The following SMR3B variants were observed in gnomAD, a reference collection of about 807,000 sequenced individuals.
SMR3B encodes the protein submaxillary gland androgen regulated protein 3B.
For synonymous variants in SMR3B, 42 were observed against 36.1 expected, an observed-to-expected ratio of 1.16 and a Z score of -0.59; for missense variants, 114 against 99.9, an observed-to-expected ratio of 1.14 and a Z score of -0.60.
chr4:70,386,565 A>T (rs946643825), intron 2 of SMR3B, among the ~76,000 whole-genome samples: 8 of 152,134 alleles, frequency 5.3e-5, no homozygotes, highest in Admixed American at 1.3e-4. Context: ...AATGTAGGAG[A>T]TTAGTGCCAA....
intron 2 of SMR3B, chr4:70,384,854 T>C (rs1404574064): frequency 3.3e-6 from 1 of 300,616 alleles, no homozygotes; most frequent in Non-Finnish European, 5.9e-6. Flanking sequence ...TAGGTAAAAC[T>C]CTATAAAAAT....
intron 2 of SMR3B, among the ~76,000 whole-genome samples, chr4:70,386,076 C>T (rs1732659860): frequency 6.6e-6 from 1 of 151,450 alleles, no homozygotes; most frequent in African/African-American, 2.4e-5. Context: ...GGTTCAAGGC[C>T]AGCTTGGCCA....
chr4:70,384,615 T>C (rs1318572617), intron 2 of SMR3B, 51 bp downstream of exon 2: 43 of 1,536,352 alleles, frequency 2.8e-5, no homozygotes, highest in Non-Finnish European at 3.6e-5. Context: ...TCATTAACCA[T>C]TACTTCAGAT....
At chr4:70,385,345 T>C (rs1732639071) in intron 2 of SMR3B, among the ~76,000 whole-genome samples, 1 of 151,744 alleles carries the variant, frequency 6.6e-6, no homozygotes, top group Admixed American at 6.6e-5. Context: ...GCAACATAAA[T>C]TTACATCATT....
At chr4:70,384,789 G>A in intron 2 of SMR3B, 1 of 719,370 alleles carries the variant, frequency 1.4e-6, no homozygotes. Flanking sequence ...GTATCAGACT[G>A]CATTAAACAG....
chr4:70,390,015 C>A lies in SMR3B; in HGVS notation c.*167C>A. Reference sequence around the variant, plus strand: ...ACTGCAGCAGGTGCCACCACCACCACAAAAGACACCACTACCCTTGTAACT... The same window carrying A: ...ACTGCAGCAGGTGCCACCACCACCAAAAAAGACACCACTACCCTTGTAACT... On this transcript the variant is annotated 3_prime_UTR_variant, in exon 3 of 3. Transcript: ENST00000304915. The A allele has an allele frequency of 7.7e-7, 1 of 1,298,364 alleles. No individual in the cohort carries two copies. The highest frequency in any genetic ancestry group is 1.1e-6 in the Non-Finnish European group (1 of 894,396). The allele number at this position is 1,298,364 out of a possible 1,614,324, so 80.4% of individuals were successfully genotyped here.
chr4:70,390,039 C>A lies in SMR3B; in HGVS notation c.*191C>A. 1 of 1,082,606 alleles carries A rather than the reference C, an allele frequency of 9.2e-7. No individual in the cohort carries two copies. Among genetic ancestry groups the A allele is most frequent in the Non-Finnish European group, 1.4e-6 (1 of 701,070 alleles). 67.1% of individuals were successfully genotyped at this position (1,082,606 alleles called of 1,614,324 possible). ...ACAAAAGACACCACTACCCTTGTAA[C>A]TACTGCTTCTACTACCCAAAATATG... is the stretch of plus-strand genomic sequence containing the variant. On this transcript the variant is annotated 3_prime_UTR_variant, in exon 3 of 3. Coordinates refer to ENST00000304915, the MANE Select transcript of SMR3B (RefSeq NM_006685.4).
intron 1 of SMR3B, 91 bp from the exon 2 acceptor site, chr4:70,384,406 G>A: frequency 6.3e-7 from 1 of 1,575,034 alleles, no homozygotes; most frequent in Non-Finnish European, 8.6e-7. Context: ...TAGGATATTT[G>A]TATTACATTA....
At position 70,390,129 on chromosome 4, in the gene SMR3B, A is replaced by T; in HGVS notation, c.*281A>T. 1 of 715,772 alleles carries T rather than the reference A, an allele frequency of 1.4e-6. No individual in the cohort carries two copies. Among genetic ancestry groups the T allele is most frequent in the East Asian group, 2.7e-5 (1 of 37,158 alleles). The allele number at this position is 715,772 out of a possible 1,614,324, so 44.3% of individuals were successfully genotyped here. A position where few individuals can be genotyped will look rare whatever the true frequency, so the allele number is the denominator to read the frequency against. ...GCTTCCATTTTTGGATGAGAATGAA[A>T]AATTCCAAAAGTGCTGAGCTTTGGG... is the stretch of plus-strand genomic sequence containing the variant. On this transcript the variant is annotated 3_prime_UTR_variant, in exon 3 of 3. Coordinates refer to ENST00000304915, the MANE Select transcript of SMR3B (RefSeq NM_006685.4).
At chr4:70,384,476 A>G (rs1330924955) in intron 1 of SMR3B, 21 bp from the exon 2 acceptor site, 32 of 1,589,940 alleles carry the variant, frequency 2.0e-5, no homozygotes, top group Non-Finnish European at 2.4e-5. Context: ...CATACTGATC[A>G]CCTATTGTGC....
chr4:70,389,926 A>C lies in SMR3B; in HGVS notation c.*78A>C. On this transcript the variant is annotated 3_prime_UTR_variant, in exon 3 of 3. Coordinates refer to ENST00000304915, the MANE Select transcript of SMR3B (RefSeq NM_006685.4). ...CAAGACCCTATCCACCTGGACCTCC[A>C]TTTTTCCCTGTAAATTCTCCAACTG... 1 of 1,604,142 alleles carries C rather than the reference A, an allele frequency of 6.2e-7. No individual in the cohort carries two copies. The highest frequency in any genetic ancestry group is 8.5e-7 in the Non-Finnish European group (1 of 1,171,524).
At chr4:70,384,720 T>A in intron 2 of SMR3B, 156 bp downstream of exon 2, 1 of 1,413,402 alleles carries the variant, frequency 7.1e-7, no homozygotes. Flanking sequence ...AAATTTAAAA[T>A]CTAATTTAAA....
At chr4:70,387,321 A>G (rs1318727819) in intron 2 of SMR3B, among the ~76,000 whole-genome samples, 2 of 152,208 alleles carry the variant, frequency 1.3e-5, no homozygotes, top group Non-Finnish European at 2.9e-5. Flanking sequence ...AATTTGGGTA[A>G]AAACAAATGA....
In SMR3B at chr4:70,383,154, T is replaced by G. The variant is rs1299640183; in HGVS notation, c.-73T>G. 1 of 152,158 alleles carries G rather than the reference T, an allele frequency of 6.6e-6. No homozygotes were observed. The highest frequency in any genetic ancestry group is 1.5e-5 in the Non-Finnish European group (1 of 68,006). 9.4% of individuals were successfully genotyped at this position (152,158 alleles called of 1,614,324 possible). ...TCACCTTTATTTGCCGTCTTTCAAC[T>G]GGCAAGAGTCATTTTGACCAGCAGA... is the stretch of plus-strand genomic sequence containing the variant. On this transcript the variant is annotated 5_prime_UTR_variant, in exon 1 of 3. Transcript: ENST00000304915.
intron 1 of SMR3B, among the ~76,000 whole-genome samples, chr4:70,383,886 T>C (rs1471992203): frequency 6.6e-6 from 1 of 152,146 alleles, no homozygotes; most frequent in Non-Finnish European, 1.5e-5. Flanking sequence ...CCTTGGTCTC[T>C]GATATATGGA....
rs1732736894 is a variant in SMR3B at position 70,390,053 on chromosome 4, AC to A, written c.*208del. 3.1e-6 allele frequency: 3 copies of A among 976,196 alleles called. No individual in the cohort carries two copies. Among genetic ancestry groups the A allele is most frequent in the South Asian group, 1.3e-5 (1 of 77,626 alleles). The allele number at this position is 976,196 out of a possible 1,614,324, so 60.5% of individuals were successfully genotyped here. ...TACCCTTGTAACTACTGCTTCTACT[AC>A]CCAAAATATGAATTCCAACACTGCT... On this transcript the variant is annotated 3_prime_UTR_variant, in exon 3 of 3. Transcript: ENST00000304915.
rs1428628350 is a variant in SMR3B, at chr4:70,389,858, C to T, written c.*10C>T. On this transcript the variant is annotated 3_prime_UTR_variant, in exon 3 of 3. Coordinates refer to ENST00000304915, the MANE Select transcript of SMR3B (RefSeq NM_006685.4). ...CCCTCCTCAACCCTAAGGTCCACCA[C>T]TCCATCCTGATGCCCCAGGTTATCC... 2.5e-6 allele frequency: 4 copies of T among 1,613,188 alleles called. No homozygotes were observed. Among genetic ancestry groups the T allele is most frequent in the Non-Finnish European group, 3.4e-6 (4 of 1,179,432 alleles).
At chr4:70,389,194 GC>G (rs1331809150) in intron 2 of SMR3B, among the ~76,000 whole-genome samples, 4 of 152,078 alleles carry the variant, frequency 2.6e-5, no homozygotes, top group African/African-American at 7.2e-5. Flanking sequence ...GGCTTAGTTG[GC>G]TTCTCTGCTC....
At chr4:70,385,551 C>T (rs1020055135) in intron 2 of SMR3B, among the ~76,000 whole-genome samples, 8 of 152,096 alleles carry the variant, frequency 5.3e-5, no homozygotes, top group Admixed American at 5.2e-4. Context: ...CTACAGGCGC[C>T]CGCCACCACG....
Sources: gnomAD v4.1 joint callset for allele counts (sites outside exome capture counted in the v4.1 genomes callset) on GRCh38, gnomAD v4.1.1 for gene constraint, MANE v1.5 for transcripts, NCBI Gene and HGNC (gene_info 2026-07-23, HGNC 2026-07-21) for gene names.